Variants in RALYL observed in about 807,000 individuals in gnomAD.
The protein encoded by RALYL is RALY RNA binding protein like, also known as RNA-binding Raly-like protein.
RALYL carries 29 observed loss-of-function variants against 35.1 expected under a neutral mutation model. The ratio of observed to expected loss-of-function variants is 0.83; its 90% confidence interval spans 0.61 to 1.13. The LOEUF is 1.13. RALYL is among the 50% of genes most tolerant of loss of function. The pLI is 0.00. For synonymous variants in RALYL, 120 were observed against 127.6 expected, an observed-to-expected ratio of 0.94 and a Z score of 0.40; for missense variants, 359 against 360.4, an observed-to-expected ratio of 1.00 and a Z score of 0.03.
At chr8:84,901,643 A>T (rs1465250566) in intron 8 of RALYL, among the ~76,000 whole-genome samples, 1 of 152,128 alleles carries the variant, frequency 6.6e-6, no homozygotes, top group Non-Finnish European at 1.5e-5. Flanking sequence ...GAGAAGTGGG[A>T]TGAAAGACTG....
rs560863694 is a variant in RALYL, at chr8:84,735,552, C to G, written c.257-39027C>G. ...CAACTGAAGTTCATGTATTGAGTCT[C>G]AATTACTGAGTCCTAACCTAGTTTT... On this transcript the variant is annotated intron_variant, in intron 2 of 8. Transcript: ENST00000521268. 3.0e-4 allele frequency among the ~76,000 whole-genome samples: 45 copies of G among 152,120 alleles called. No homozygotes were observed. The South Asian group carries it at 8.5e-3, about 29-fold the overall frequency.
intron 1 of RALYL, among the ~76,000 whole-genome samples, chr8:84,492,648 C>T (rs2055471663): frequency 6.6e-6 from 1 of 152,106 alleles, no homozygotes; most frequent in African/African-American, 2.4e-5. Context: ...ATGCAACTAT[C>T]TCCATAAAAT....
intron 2 of RALYL, among the ~76,000 whole-genome samples, chr8:84,578,298 T>C (rs1195977946): frequency 6.6e-6 from 1 of 152,190 alleles, no homozygotes; most frequent in East Asian, 1.9e-4. Context: ...GGGAATGCAG[T>C]GGTGCCCAGA....
intron 1 of RALYL, among the ~76,000 whole-genome samples, chr8:84,266,664 T>G (rs1833355120): frequency 6.6e-6 from 1 of 152,134 alleles, no homozygotes; most frequent in Admixed American, 6.5e-5. Flanking sequence ...CCTCAGTAGG[T>G]AAATGCCAGT....
chr8:84,552,399 G>T, intron 2 of RALYL, among the ~76,000 whole-genome samples: 1 of 101,390 alleles, frequency 9.9e-6, no homozygotes, highest in African/African-American at 3.8e-5. Context: ...AGAAAGCAGA[G>T]ACAGCAAAGG....
chr8:84,484,438 T>A (rs968572420), intron 1 of RALYL, among the ~76,000 whole-genome samples: 5 of 152,062 alleles, frequency 3.3e-5, no homozygotes, highest in African/African-American at 1.2e-4. Context: ...TCTGTGCTTT[T>A]CAGAGGAGAA....
chr8:84,771,048 G>C (rs1403214774), intron 2 of RALYL, among the ~76,000 whole-genome samples: 1 of 151,676 alleles, frequency 6.6e-6, no homozygotes, highest in African/African-American at 2.4e-5. Context: ...TTTTTTTCTA[G>C]TTTTATCCCA....
intron 1 of RALYL, among the ~76,000 whole-genome samples, chr8:84,202,086 A>G (rs750497281): frequency 4.6e-5 from 7 of 151,118 alleles, no homozygotes; most frequent in Admixed American, 1.3e-4. Context: ...CTTTCTTTTC[A>G]TTGCTATTTT....
At chr8:84,275,075 A>G (rs1023825140) in intron 1 of RALYL, among the ~76,000 whole-genome samples, 2 of 152,140 alleles carry the variant, frequency 1.3e-5, no homozygotes, top group East Asian at 3.9e-4. Context: ...ACAAACATCA[A>G]AGTTACAAAT....
intron 2 of RALYL, among the ~76,000 whole-genome samples, chr8:84,609,701 A>G (rs1482700293): frequency 1.3e-5 from 2 of 152,178 alleles, no homozygotes; most frequent in Non-Finnish European, 1.5e-5. Flanking sequence ...TTCTATTATT[A>G]GCATCTTATA....
chr8:84,814,301 A>T (rs1826650289), intron 4 of RALYL, among the ~76,000 whole-genome samples: 1 of 152,330 alleles, frequency 6.6e-6, no homozygotes, highest in South Asian at 2.1e-4. Flanking sequence ...CATTATAAAA[A>T]GCAAAAGAAG....
intron 4 of RALYL, among the ~76,000 whole-genome samples, chr8:84,841,687 C>A (rs532826368): frequency 1.6e-4 from 25 of 152,094 alleles, no homozygotes; most frequent in Non-Finnish European, 3.4e-4. Flanking sequence ...ACCACACCAC[C>A]CTTATTCCAA....
At chr8:84,247,774 C>G (rs1586523697) in intron 1 of RALYL, among the ~76,000 whole-genome samples, 1 of 152,124 alleles carries the variant, frequency 6.6e-6, no homozygotes, top group East Asian at 1.9e-4. Flanking sequence ...ACCATCTGCT[C>G]ACAGTTCTGC....
At chr8:84,339,782 T>C (rs964126110) in intron 1 of RALYL, among the ~76,000 whole-genome samples, 2 of 152,024 alleles carry the variant, frequency 1.3e-5, no homozygotes, top group Admixed American at 1.3e-4. Context: ...AATCGACCTA[T>C]GCCTCTTCCT....
At chr8:84,882,945 T>C (rs1842410794) in intron 7 of RALYL, among the ~76,000 whole-genome samples, 1 of 152,094 alleles carries the variant, frequency 6.6e-6, no homozygotes, top group South Asian at 2.1e-4. Context: ...AAACTGCCTA[T>C]TAAACTGTGA....
intron 4 of RALYL, among the ~76,000 whole-genome samples, chr8:84,819,737 A>G (rs1233814949): frequency 3.3e-5 from 5 of 152,238 alleles, no homozygotes; most frequent in Non-Finnish European, 7.3e-5. Context: ...GCAGGCAGCA[A>G]TATAGTGTTA....
chr8:84,224,240 G>C (rs1199890277), intron 1 of RALYL, among the ~76,000 whole-genome samples: 1 of 152,128 alleles, frequency 6.6e-6, no homozygotes, highest in African/African-American at 2.4e-5. Context: ...CTGAGTCTAA[G>C]AGTTACTTTC....
chr8:84,900,043 T>A (rs1340756975), intron 8 of RALYL, among the ~76,000 whole-genome samples: 1 of 152,006 alleles, frequency 6.6e-6, no homozygotes, highest in African/African-American at 2.4e-5. Flanking sequence ...ATTTTTGAGA[T>A]GTTAAGAGTA....
intron 2 of RALYL, among the ~76,000 whole-genome samples, chr8:84,576,471 G>C (rs1191424232): frequency 6.6e-6 from 1 of 152,190 alleles, no homozygotes; most frequent in African/African-American, 2.4e-5. Flanking sequence ...GATGGCAGAT[G>C]CATTTGTTTT....
Sources: allele counts gnomAD v4.1 joint callset (sites outside exome capture counted in the v4.1 genomes callset), GRCh38; gene constraint gnomAD v4.1.1; transcripts MANE v1.5; gene names NCBI Gene and HGNC (gene_info 2026-07-23, HGNC 2026-07-21).